The following GLI2 variants were observed in gnomAD, a reference collection of about 807,000 sequenced individuals.
GLI2 encodes GLI family zinc finger 2.
GLI2 carries 22 observed loss-of-function variants against 78.9 expected under a neutral mutation model. The ratio of observed to expected loss-of-function variants is 0.28; its 90% CI spans 0.20 to 0.40. GLI2 has a LOEUF of 0.40. Ranked by LOEUF, GLI2 falls within the 10% of genes least tolerant of loss-of-function variation. GLI2 has a pLI of 1.00. For synonymous variants in GLI2, 974 were observed against 963.7 expected (o/e 1.01, Z -0.20); for missense variants, 2,097 against 2,213.2 (o/e 0.95, Z 1.05).
At chr2:120,784,533 TG>T (rs922612919) in intron 1 of GLI2, among the ~76,000 whole-genome samples, 3 of 151,442 alleles carry the variant, frequency 2.0e-5, no homozygotes, top group African/African-American at 4.9e-5. Context: ...TTGGGGGTTT[TG>T]GGGGCCCAGA....
chr2:120,772,063 G>A (rs1406803521), intron 1 of GLI2, among the ~76,000 whole-genome samples: 1 of 152,188 alleles, frequency 6.6e-6, no homozygotes, highest in Non-Finnish European at 1.5e-5. Context: ...AGATGGAGGG[G>A]GATGCAGGGT....
At chr2:120,964,424 T>C (rs1409773865) in intron 5 of GLI2, among the ~76,000 whole-genome samples, 1 of 152,228 alleles carries the variant, frequency 6.6e-6, no homozygotes, top group Admixed American at 6.5e-5. Context: ...AAAATCTGTC[T>C]TTGCAGTGAG....
chr2:120,875,887 G>A (rs1573520200), intron 2 of GLI2, among the ~76,000 whole-genome samples: 1 of 152,190 alleles, frequency 6.6e-6, no homozygotes, highest in Admixed American at 6.5e-5. Context: ...GGGACAGAAC[G>A]GAGGGGCCAG....
At chr2:120,899,402 CACAT>C (rs1221435783) in intron 2 of GLI2, among the ~76,000 whole-genome samples, 4 of 110,290 alleles carry the variant, frequency 3.6e-5, no homozygotes, top group South Asian at 3.0e-4. Context: ...TGTGTACACA[CACAT>C]ACACACACAC....
rs772646101 is a variant in GLI2 at position 120,989,499 on chromosome 2, T to A, written c.3534T>A (p.Pro1178=). 8 of 1,612,028 alleles carry A rather than the reference T, an allele frequency of 5.0e-6. No homozygotes were observed. The South Asian group carries it at 8.8e-5, about 18-fold the overall frequency. Residue 1178 remains proline, a synonymous_variant, in exon 14 of 14, where the codon CCT becomes CCA. Coordinates refer to ENST00000361492, the MANE Select transcript of GLI2 (RefSeq NM_001374353.1). ...GYSPQGLQAS[P]GGLDSTQPHL... is the part of the protein sequence containing the mutation. The stretch of plus-strand genomic sequence containing the variant: ...GTCCGCAAGGCCTACAGGCTAGCCC[T>A]GGGGGCCTGGACAGCACGCAGCCAC...
intron 2 of GLI2, among the ~76,000 whole-genome samples, chr2:120,884,869 G>A (rs1291060334): frequency 6.6e-6 from 1 of 152,130 alleles, no homozygotes; most frequent in Non-Finnish European, 1.5e-5. Context: ...TGGGCCGGAA[G>A]GTGGGGTTCT....
At chr2:120,798,994 G>A (rs1390761114) in intron 2 of GLI2, among the ~76,000 whole-genome samples, 1 of 152,202 alleles carries the variant, frequency 6.6e-6, no homozygotes, top group African/African-American at 2.4e-5. Context: ...GCCTCTCCAA[G>A]CCATGAGTGG....
chr2:120,783,442 G>T (rs1683904501), intron 1 of GLI2, among the ~76,000 whole-genome samples: 1 of 152,142 alleles, frequency 6.6e-6, no homozygotes, highest in Admixed American at 6.5e-5. Context: ...GCTCCGTGTA[G>T]ACTGGGCTTT....
At chr2:120,841,746 G>A (rs1686881258) in intron 2 of GLI2, among the ~76,000 whole-genome samples, 2 of 152,208 alleles carry the variant, frequency 1.3e-5, no homozygotes, top group South Asian at 4.1e-4. Flanking sequence ...TATGGTGGGG[G>A]AGAGGCCTGT....
At chr2:120,810,851 C>T (rs73949910) in intron 2 of GLI2, among the ~76,000 whole-genome samples, 48 of 152,284 alleles carry the variant, frequency 3.2e-4, no homozygotes, top group Admixed American at 8.5e-4. Flanking sequence ...TCTTTCTGTC[C>T]GTGATCTCGA....
intron 2 of GLI2, among the ~76,000 whole-genome samples, chr2:120,920,422 C>T (rs1679312447): frequency 6.6e-6 from 1 of 152,212 alleles, no homozygotes; most frequent in South Asian, 2.1e-4. Flanking sequence ...TCCTTCTCTC[C>T]CCCAGGAATC....
chr2:120,736,792 C>T (rs562844635), intron 1 of GLI2, among the ~76,000 whole-genome samples: 13 of 151,952 alleles, frequency 8.6e-5, no homozygotes, highest in African/African-American at 2.9e-4. Context: ...CGGAGCCCTG[C>T]CTTTCTTTCT....
At chr2:120,905,891 C>T (rs1678504707) in intron 2 of GLI2, among the ~76,000 whole-genome samples, 1 of 136,156 alleles carries the variant, frequency 7.3e-6, no homozygotes, top group African/African-American at 3.1e-5. Flanking sequence ...CCCACATGGG[C>T]CCCAGTGTCC....
intron 2 of GLI2, among the ~76,000 whole-genome samples, chr2:120,839,979 G>A (rs1035194897): frequency 2.0e-5 from 3 of 152,006 alleles, no homozygotes; most frequent in Admixed American, 6.5e-5. Flanking sequence ...TCATTATATC[G>A]TTTCCTTTCT....
intron 2 of GLI2, among the ~76,000 whole-genome samples, chr2:120,841,848 G>GGGGTGTGTGTGTGTGTGTGTGTGT (rs1553455507): frequency 3.0e-5 from 4 of 132,634 alleles, no homozygotes; most frequent in Admixed American, 7.4e-5. Flanking sequence ...CAGTCTGGAG[G>GGGGTGTGTGTGTGTGTGTGTGTGT]GTGTGTGTGT....
intron 2 of GLI2, among the ~76,000 whole-genome samples, chr2:120,859,452 CT>C (rs57311162): frequency 0.044 from 5,538 of 125,070 alleles, 54 homozygotes; most frequent in African/African-American, 0.055. Context: ...ATACTCCCTC[CT>C]TTTTTTTTTT....
rs1683266512 is a variant in GLI2 at position 120,990,801 on chromosome 2, C to A, written c.*126C>A. Reference sequence around the variant, plus strand: ...GGCTTGAGGGGTTGTTGCGCAATGGCCGCTTCAGATGACAGATGTTGTAAG... The same window carrying A: ...GGCTTGAGGGGTTGTTGCGCAATGGACGCTTCAGATGACAGATGTTGTAAG... On this transcript the variant is annotated 3_prime_UTR_variant, in exon 14 of 14. Coordinates refer to ENST00000361492, the MANE Select transcript of GLI2 (RefSeq NM_001374353.1). 2 of 693,392 alleles carry A rather than the reference C, an allele frequency of 2.9e-6. No homozygotes were observed. The highest frequency in any genetic ancestry group is 4.8e-6 in the Non-Finnish European group (2 of 414,170). The allele number at this position is 693,392 out of a possible 1,614,324, so 43.0% of individuals were successfully genotyped here. A position where few individuals can be genotyped will look rare whatever the true frequency, so the allele number is the denominator to read the frequency against.
intron 2 of GLI2, among the ~76,000 whole-genome samples, chr2:120,878,177 C>T (rs1480594601): frequency 6.6e-6 from 1 of 152,234 alleles, no homozygotes; most frequent in African/African-American, 2.4e-5. Context: ...CCCTCACTTA[C>T]CTATTTGTTC....
At chr2:120,917,195 AT>A (rs1445507643) in intron 2 of GLI2, among the ~76,000 whole-genome samples, 3 of 152,162 alleles carry the variant, frequency 2.0e-5, no homozygotes, top group Non-Finnish European at 2.9e-5. Flanking sequence ...TGAGGTTAAC[AT>A]TTTTCATTTC....
Sources: allele counts gnomAD v4.1 joint callset (sites outside exome capture counted in the v4.1 genomes callset), GRCh38; gene constraint gnomAD v4.1.1; transcripts MANE v1.5; gene names NCBI Gene and HGNC (gene_info 2026-07-23, HGNC 2026-07-21).